Variants in CDS1 observed in about 807,000 individuals in gnomAD.
The protein encoded by CDS1 is phosphatidate cytidylyltransferase 1.
In CDS1, 41 loss-of-function variants were observed where a neutral mutation model predicts 62.1. The observed-to-expected ratio is 0.66, with a 90% CI of 0.51 to 0.86. The LOEUF is 0.86. Among genes scored for constraint, CDS1 ranks in the 40% least tolerant of loss-of-function variants. The probability of loss-of-function intolerance (pLI) is 0.00; values close to 1 mark genes in which losing one functional copy is unlikely to be tolerated. For synonymous variants in CDS1, 185 were observed against 192.6 expected, an observed-to-expected ratio of 0.96 and a Z score of 0.32; for missense variants, 470 against 550.1, an observed-to-expected ratio of 0.85 and a Z score of 1.46.
chr4:84,610,363 A>G (rs565783361), intron 3 of CDS1, among the ~76,000 whole-genome samples: 1 of 152,300 alleles, frequency 6.6e-6, no homozygotes, highest in South Asian at 2.1e-4. Context: ...TGCAAGTTGC[A>G]CATGTAGAGG....
intron 3 of CDS1, among the ~76,000 whole-genome samples, chr4:84,611,579 A>G (rs1486997308): frequency 1.3e-5 from 2 of 152,174 alleles, no homozygotes; most frequent in East Asian, 1.9e-4. Flanking sequence ...GAAGCCACTT[A>G]AAGTGGCTTT....
intron 1 of CDS1, among the ~76,000 whole-genome samples, chr4:84,599,749 C>G (rs1324637270): frequency 1.3e-5 from 2 of 151,850 alleles, no homozygotes; most frequent in African/African-American, 4.8e-5. Context: ...GAGAATATTC[C>G]ACTGTATGAA....
intron 4 of CDS1, among the ~76,000 whole-genome samples, chr4:84,618,180 A>G (rs1723560800): frequency 6.6e-6 from 1 of 152,200 alleles, no homozygotes; most frequent in Admixed American, 6.5e-5. Flanking sequence ...TGACTAGGAA[A>G]CATGATAACA....
At chr4:84,609,102 C>T (rs1227940505) in intron 2 of CDS1, among the ~76,000 whole-genome samples, 1 of 150,298 alleles carries the variant, frequency 6.7e-6, no homozygotes, top group African/African-American at 2.5e-5. Flanking sequence ...TGGCGTGAAC[C>T]CAGGAGGTGG....
At chr4:84,606,988 C>A (rs73831542) in intron 2 of CDS1, among the ~76,000 whole-genome samples, 11,190 of 152,234 alleles carry the variant, frequency 0.074, 715 homozygotes, top group African/African-American at 0.17. Context: ...TACATGGGGC[C>A]TTTTAGCCAT....
intron 1 of CDS1, among the ~76,000 whole-genome samples, chr4:84,590,776 G>A (rs992032419): frequency 6.6e-6 from 1 of 152,152 alleles, no homozygotes; most frequent in African/African-American, 2.4e-5. Context: ...CTGGTACAAA[G>A]TTGTTTGACA....
chr4:84,637,230 T>C (rs1207357732), intron 8 of CDS1, among the ~76,000 whole-genome samples: 1 of 152,204 alleles, frequency 6.6e-6, no homozygotes, highest in Non-Finnish European at 1.5e-5. Context: ...AAAGCTTGAA[T>C]ACATGATTTA....
Position 84,591,932 on chromosome 4 carries a change from G to T in CDS1, c.117+8414G>T, listed in dbSNP as rs1161808353. ...GCGGATTAGAAATTTTTAGCTGAAA[G>T]CCTGTCATTGGGTGATTTCAGGCGC... On this transcript the variant is annotated intron_variant, in intron 1 of 12. Transcript: ENST00000295887. 2.0e-5 allele frequency among the ~76,000 whole-genome samples: 3 copies of T among 152,138 alleles called. No individual in the cohort carries two copies. In the East Asian group the frequency reaches 5.8e-4, roughly 29 times the overall value.
At chr4:84,599,393 G>GACACACAC (rs372134066) in intron 1 of CDS1, among the ~76,000 whole-genome samples, 1 of 53,648 alleles carries the variant, frequency 1.9e-5, no homozygotes, top group African/African-American at 8.7e-5. Flanking sequence ...GGCAAATTTT[G>GACACACAC]ACACACACAC....
At chr4:84,584,316 T>C (rs1722348836) in intron 1 of CDS1, among the ~76,000 whole-genome samples, 3 of 152,248 alleles carry the variant, frequency 2.0e-5, no homozygotes, top group Non-Finnish European at 4.4e-5. Flanking sequence ...AATGCAGTTT[T>C]ATGATCTTAT....
At chr4:84,623,761 A>C (rs1723764418) in intron 5 of CDS1, among the ~76,000 whole-genome samples, 1 of 152,184 alleles carries the variant, frequency 6.6e-6, no homozygotes, top group African/African-American at 2.4e-5. Flanking sequence ...TAGCCGTTCT[A>C]ACCCCAGGCC....
At chr4:84,586,223 C>T (rs1240385282) in intron 1 of CDS1, among the ~76,000 whole-genome samples, 1 of 152,086 alleles carries the variant, frequency 6.6e-6, no homozygotes, top group Non-Finnish European at 1.5e-5. Flanking sequence ...CTTTTTTCCA[C>T]GGATGGGTTG....
chr4:84,599,143 T>C lies in CDS1; in HGVS notation c.118-5100T>C, dbSNP rs115107572. On this transcript the variant is annotated intron_variant, in intron 1 of 12. Coordinates refer to ENST00000295887, the MANE Select transcript of CDS1 (RefSeq NM_001263.4). The stretch of plus-strand genomic sequence containing the variant: ...TAAACATGCTGGCCAATTTGGTTCC[T>C]GCTGGGAGCCCTTTGCAGACAGATA... Among the ~76,000 whole-genome samples, 880 of 152,224 alleles carry C rather than the reference T, an allele frequency of 5.8e-3. 9 individuals are homozygous for C. Among genetic ancestry groups the C allele is most frequent in the African/African-American group, 0.02 (849 of 41,508 alleles).
At chr4:84,606,195 A>G (rs1222595196) in intron 2 of CDS1, among the ~76,000 whole-genome samples, 1 of 152,172 alleles carries the variant, frequency 6.6e-6, no homozygotes, top group African/African-American at 2.4e-5. Flanking sequence ...AATAGTAATT[A>G]CATAAGAAAT....
At chr4:84,633,384 T>G (rs1199877199) in intron 6 of CDS1, among the ~76,000 whole-genome samples, 1 of 152,184 alleles carries the variant, frequency 6.6e-6, no homozygotes, top group Non-Finnish European at 1.5e-5. Context: ...ACCCTGCTGG[T>G]TTGAATCATT....
rs1353611417 is a variant in CDS1 at position 84,616,120 on chromosome 4, TCTGA to T, written c.343-1441_343-1438del. Among the ~76,000 whole-genome samples, 4 of 152,224 alleles carry T rather than the reference TCTGA, an allele frequency of 2.6e-5. No individual in the cohort carries two copies. In the South Asian group the frequency reaches 6.2e-4, roughly 24 times the overall value. On this transcript the variant is annotated intron_variant, in intron 3 of 12. Transcript: ENST00000295887. ...TATGATATTTTAAAAGCCCTTTGGA[TCTGA>T]CTAACTTTGCTTTACCGTTTTATCT...
chr4:84,609,564 T>G (rs375223136), intron 3 of CDS1, 39 bp downstream of exon 3: 2 of 1,103,914 alleles, frequency 1.8e-6, no homozygotes, highest in Admixed American at 1.8e-5. Flanking sequence ...TCTTGCTTTG[T>G]TTTTCAACAT....
chr4:84,650,526 C>T lies in CDS1; in HGVS notation c.*1840C>T, dbSNP rs928124223. On this transcript the variant is annotated 3_prime_UTR_variant, in exon 13 of 13. Coordinates refer to ENST00000295887, the MANE Select transcript of CDS1 (RefSeq NM_001263.4). Reference sequence around the variant, plus strand: ...AAAATGAAAATTTTATAAGAACTTACATTAAAAACTCAGTAGTTTGCATGA... The same window carrying T: ...AAAATGAAAATTTTATAAGAACTTATATTAAAAACTCAGTAGTTTGCATGA... 6.6e-6 allele frequency: 1 copy of T among 152,098 alleles called. No individual in the cohort carries two copies. The highest frequency in any genetic ancestry group is 6.5e-5 in the Admixed American group (1 of 15,268). 9.4% of individuals were successfully genotyped at this position (152,098 alleles called of 1,614,324 possible).
intron 1 of CDS1, among the ~76,000 whole-genome samples, chr4:84,595,988 T>C (rs1722735703): frequency 6.6e-6 from 1 of 152,092 alleles, no homozygotes; most frequent in Non-Finnish European, 1.5e-5. Context: ...TAAGTAAGAT[T>C]TGAATATTGT....
Sources: gnomAD v4.1 joint callset for allele counts (sites outside exome capture counted in the v4.1 genomes callset) on GRCh38, gnomAD v4.1.1 for gene constraint, MANE v1.5 for transcripts, NCBI Gene and HGNC (gene_info 2026-07-23, HGNC 2026-07-21) for gene names.